The following EIF3B variants were observed in gnomAD, a reference collection of about 807,000 sequenced individuals.
The protein encoded by EIF3B is eukaryotic translation initiation factor 3 subunit 9.
EIF3B carries 10 observed loss-of-function variants against 104.6 expected under a neutral mutation model. That is an observed-to-expected ratio of 0.10 (90% CI 0.06 to 0.16). The LOEUF is 0.16. EIF3B is among the 10% of genes least tolerant of loss of function. The pLI is 1.00. For synonymous variants in EIF3B, 542 were observed against 417.2 expected (o/e 1.30, Z -3.65); for missense variants, 1,014 against 1,087.9 (o/e 0.93, Z 0.96).
At chr7:2,365,068 C>CAA (rs1430875160) in intron 6 of EIF3B, among the ~76,000 whole-genome samples, 1 of 152,250 alleles carries the variant, frequency 6.6e-6, no homozygotes, top group African/African-American at 2.4e-5. Flanking sequence ...TCTCCCACCT[C>CAA]AGCCTTCCTG....
At position 2,366,327 on chromosome 7, in the gene EIF3B, A is replaced by G; in HGVS notation, c.1168A>G (p.Thr390Ala). 1 of 1,607,052 alleles carries G rather than the reference A, an allele frequency of 6.2e-7. No homozygotes were observed. The highest frequency in any genetic ancestry group is 8.5e-7 in the Non-Finnish European group (1 of 1,177,262). ...GCCCTTCTCTTCTAGGTACCTGGTG[A>G]CCTTTAGCCCCCTGATGGACACGCA... ...DFSPCERYLV[T>A]FSPLMDTQDD... The change falls in exon 7 of 19, where the codon ACC (threonine) becomes GCC (alanine). Residue 390 changes from threonine to alanine, a missense_variant. Thr to Ala is a moderately conservative substitution (Grantham distance 58). Around this residue, in one of 4 missense-constraint regions of EIF3B, gnomAD observed 201 missense variants for 240.7 expected, o/e 0.83. Transcript: ENST00000360876.
intron 1 of EIF3B, 56 bp downstream of exon 1, chr7:2,355,476 C>G: frequency 2.1e-6 from 3 of 1,397,016 alleles, no homozygotes; most frequent in African/African-American, 1.5e-5. Flanking sequence ...CTGGGGTTCC[C>G]GAGGTGGGAG....
rs146188791 is a variant in EIF3B, at chr7:2,379,902, A to G, written c.*15-302A>G. The G allele has an allele frequency of 2.3e-3, 604 of 261,986 alleles. 12 individuals carry two copies. Among genetic ancestry groups the G allele is most frequent in the South Asian group, 0.018 (457 of 24,724 alleles). 16.2% of individuals were successfully genotyped at this position (261,986 alleles called of 1,614,324 possible). A position where few individuals can be genotyped will look rare whatever the true frequency, so the allele number is the denominator to read the frequency against. ...ACTGTGGTTTCAGCAGTTCTGAGAC[A>G]AGAGCCTTCCAAGTCGGGGGCTGGG... On this transcript the variant is annotated intron_variant, in intron 18 of 18. Coordinates refer to ENST00000360876, the MANE Select transcript of EIF3B (RefSeq NM_001037283.2).
intron 10 of EIF3B, among the ~76,000 whole-genome samples, chr7:2,370,034 C>G (rs1780241008): frequency 1.3e-5 from 2 of 152,108 alleles, no homozygotes; most frequent in Non-Finnish European, 1.5e-5. Context: ...GCCTTGGCCA[C>G]CCAAAGGGCT....
chr7:2,372,442 C>G (rs77025530), intron 11 of EIF3B, among the ~76,000 whole-genome samples: 1 of 152,272 alleles, frequency 6.6e-6, no homozygotes, highest in Admixed American at 6.5e-5. Context: ...GTGTCCTGCT[C>G]TCAGGAAGGG....
chr7:2,361,047 CTA>C (rs1779698998), intron 2 of EIF3B, 145 bp downstream of exon 2: 2 of 583,290 alleles, frequency 3.4e-6, no homozygotes, highest in South Asian at 5.1e-5. Context: ...CAGCTGGAAG[CTA>C]TCCAGAGCAG....
chr7:2,369,030 G>A (rs1780180862), intron 9 of EIF3B, among the ~76,000 whole-genome samples: 1 of 152,298 alleles, frequency 6.6e-6, no homozygotes, highest in South Asian at 2.1e-4. Context: ...AGTGGAGGGA[G>A]CTGCCCTTGT....
chr7:2,364,383 G>A lies in EIF3B; in HGVS notation c.1011G>A (p.Glu337=). The A allele has an allele frequency of 6.2e-7, 1 of 1,604,178 alleles. No individual in the cohort carries two copies. Among genetic ancestry groups the A allele is most frequent in the Non-Finnish European group, 8.5e-7 (1 of 1,176,808 alleles). Residue 337 remains glutamate, a synonymous_variant, in exon 6 of 19, where the codon GAG becomes GAA. Coordinates refer to ENST00000360876, the MANE Select transcript of EIF3B (RefSeq NM_001037283.2). ...GCCTTTTTCTGCAGAGATGGACAGA[G>A]ACGTATGTGCGTTGGTCTCCTAAGG... ...VSIEERARWT[E]TYVRWSPKGT...
rs183043638 is a variant in EIF3B, at chr7:2,376,061, T to C, written c.2028+534T>C. Reference sequence around the variant, plus strand: ...TAATTTTGTTTAATGAGATACAGAATTTGTAGGAATATCAACTTCCCAAAT... The same window carrying C: ...TAATTTTGTTTAATGAGATACAGAACTTGTAGGAATATCAACTTCCCAAAT... On this transcript the variant is annotated intron_variant, in intron 14 of 18. Transcript: ENST00000360876. 3.3e-3 allele frequency: 512 copies of C among 155,982 alleles called. 1 individual carries two copies. The highest frequency in any genetic ancestry group is 5.6e-3 in the Non-Finnish European group (393 of 70,256). The allele number at this position is 155,982 out of a possible 1,614,324, so 9.7% of individuals were successfully genotyped here.
At chr7:2,379,109 G>A in intron 16 of EIF3B, 25 bp from the exon 17 acceptor site, 1 of 1,606,390 alleles carries the variant, frequency 6.2e-7, no homozygotes, top group Non-Finnish European at 8.5e-7. Flanking sequence ...TACCAGTTCT[G>A]TGCTTTCCCC....
intron 14 of EIF3B, 34 bp from the exon 15 acceptor site, chr7:2,376,916 C>G (rs764163767): frequency 1.9e-6 from 3 of 1,600,492 alleles, no homozygotes; most frequent in Non-Finnish European, 2.6e-6. Context: ...TCTCTGACCC[C>G]TCTGTGTCCT....
intron 1 of EIF3B, among the ~76,000 whole-genome samples, chr7:2,356,602 CA>C (rs558863981): frequency 0.018 from 1,595 of 90,276 alleles, 9 homozygotes; most frequent in African/African-American, 0.034. Flanking sequence ...GACTCCGTCT[CA>C]AAAAAAAAAA....
chr7:2,379,625 A>C, intron 18 of EIF3B, 114 bp downstream of exon 18: 1 of 720,466 alleles, frequency 1.4e-6, no homozygotes, highest in Non-Finnish European at 2.4e-6. Context: ...GTGAAGCCCT[A>C]GTGTCATGTG....
At chr7:2,372,639 C>T in intron 11 of EIF3B, 34 bp from the exon 12 acceptor site, 1 of 1,607,096 alleles carries the variant, frequency 6.2e-7, no homozygotes, top group Non-Finnish European at 8.5e-7. Context: ...TCTGAATTGA[C>T]CAAAAAGGGA....
intron 15 of EIF3B, chr7:2,378,266 G>T (rs1005458746): frequency 4.7e-6 from 1 of 211,288 alleles, no homozygotes; most frequent in African/African-American, 2.4e-5. Context: ...CTGGGATGCT[G>T]TGTTGTGTGA....
chr7:2,371,367 G>T (rs1171553014), intron 10 of EIF3B, among the ~76,000 whole-genome samples: 1 of 152,212 alleles, frequency 6.6e-6, no homozygotes, highest in African/African-American at 2.4e-5. Context: ...CTCGAGTAGG[G>T]CAGGACTTCT....
rs545896784 is a variant in EIF3B, at chr7:2,367,594, C to T, written c.1403+549C>T. Among the ~76,000 whole-genome samples, 37 of 152,044 alleles carry T rather than the reference C, an allele frequency of 2.4e-4. No individual in the cohort carries two copies. In the East Asian group the frequency reaches 5.6e-3, roughly 23 times the overall value. ...AAGTGATTCTTCTGCCTCAACCTCCCGAGTAGCTGGGACTACAGGCATGTG... is the reference window on the plus strand; with the variant it reads ...AAGTGATTCTTCTGCCTCAACCTCCTGAGTAGCTGGGACTACAGGCATGTG... On this transcript the variant is annotated intron_variant, in intron 9 of 18. Coordinates refer to ENST00000360876, the MANE Select transcript of EIF3B (RefSeq NM_001037283.2).
chr7:2,363,470 C>CAA (rs904089398), intron 4 of EIF3B, among the ~76,000 whole-genome samples, 162 bp from the exon 5 acceptor site: 1 of 144,416 alleles, frequency 6.9e-6, no homozygotes, highest in Admixed American at 6.9e-5. Flanking sequence ...GACTCTGTCT[C>CAA]AAAAAAAAAA....
chr7:2,369,053 C>G (rs1000361254), intron 9 of EIF3B, among the ~76,000 whole-genome samples: 2 of 152,192 alleles, frequency 1.3e-5, no homozygotes, highest in African/African-American at 2.4e-5. Flanking sequence ...TTGCTCATTC[C>G]TTACACTTGA....
Sources: allele counts gnomAD v4.1 joint callset (sites outside exome capture counted in the v4.1 genomes callset), GRCh38; gene constraint gnomAD v4.1.1; regional missense constraint gnomAD v4.1.1; transcripts MANE v1.5; gene names NCBI Gene and HGNC (gene_info 2026-07-23, HGNC 2026-07-21).